Variants in DNER observed in about 807,000 individuals in gnomAD.
DNER encodes the protein delta and Notch-like epidermal growth factor-related receptor.
DNER carries 33 observed loss-of-function variants against 78.2 expected under a neutral mutation model. The observed-to-expected ratio is 0.42, with a 90% CI of 0.32 to 0.56. The LOEUF is 0.56. Ranked by LOEUF, DNER falls within the 20% of genes least tolerant of loss-of-function variation. The pLI is 0.11. For synonymous variants in DNER, 417 were observed against 384.8 expected (o/e 1.08, Z -0.98); for missense variants, 918 against 975.3 (o/e 0.94, Z 0.78).
chr2:229,636,818 T>C (rs116643840), intron 1 of DNER, among the ~76,000 whole-genome samples: 90 of 152,222 alleles, frequency 5.9e-4, no homozygotes, highest in African/African-American at 2.1e-3. Flanking sequence ...AGGTACCAGA[T>C]CCAGGCCTGG....
At chr2:229,658,109 C>T (rs538776312) in intron 1 of DNER, among the ~76,000 whole-genome samples, 4 of 152,180 alleles carry the variant, frequency 2.6e-5, no homozygotes, top group South Asian at 2.1e-4. Flanking sequence ...AGACCTCTAT[C>T]TTTATGATCA....
At position 229,392,275 on chromosome 2, in the gene DNER, GA is replaced by G. The variant is rs200048129; in HGVS notation, c.1724-3880del. Among the ~76,000 whole-genome samples, 590 of 128,304 alleles carry G rather than the reference GA, an allele frequency of 4.6e-3. 3 individuals carry two copies. The highest frequency in any genetic ancestry group is 0.017 in the South Asian group (64 of 3,878). The allele number at this position is 128,304 out of a possible 152,430, so 84.2% of individuals were successfully genotyped here. On this transcript the variant is annotated intron_variant, in intron 10 of 12. Transcript: ENST00000341772. Reference sequence around the variant, plus strand: ...AACTAGACAACTAGATGAAATATATGAAAAAAAAAAAAAACTATGAAGACAT... The same window carrying G: ...AACTAGACAACTAGATGAAATATATGAAAAAAAAAAAAACTATGAAGACAT...
At chr2:229,690,522 T>A (rs1699552946) in intron 1 of DNER, among the ~76,000 whole-genome samples, 1 of 152,184 alleles carries the variant, frequency 6.6e-6, no homozygotes, top group Non-Finnish European at 1.5e-5. Flanking sequence ...TGATAAAACG[T>A]TATTGTTGAA....
chr2:229,387,507 G>GAAAGAAAGAA, intron 11 of DNER, among the ~76,000 whole-genome samples: 2 of 96,442 alleles, frequency 2.1e-5, no homozygotes, highest in African/African-American at 7.4e-5. Context: ...AAGAAAGAAA[G>GAAAGAAAGAA]AGAGAAAGAA....
intron 10 of DNER, among the ~76,000 whole-genome samples, chr2:229,406,612 C>T (rs1316527217): frequency 6.6e-6 from 1 of 152,180 alleles, no homozygotes; most frequent in Non-Finnish European, 1.5e-5. Flanking sequence ...TCAGCACATA[C>T]ACGTACAAAC....
intron 5 of DNER, among the ~76,000 whole-genome samples, chr2:229,540,113 C>G (rs1696482661): frequency 1.3e-5 from 2 of 152,186 alleles, no homozygotes; most frequent in Non-Finnish European, 2.9e-5. Context: ...TACAGTACTT[C>G]AGAGGAGGGA....
intron 5 of DNER, among the ~76,000 whole-genome samples, chr2:229,535,214 G>A (rs1355543097): frequency 1.3e-5 from 2 of 152,154 alleles, no homozygotes; most frequent in Admixed American, 6.5e-5. Flanking sequence ...GCTCTTTGGG[G>A]TCCTCAATCA....
intron 7 of DNER, among the ~76,000 whole-genome samples, chr2:229,462,777 C>T (rs953246781): frequency 6.6e-6 from 1 of 152,068 alleles, no homozygotes; most frequent in Admixed American, 6.5e-5. Flanking sequence ...GGGCTCTAAG[C>T]GCAGCTCACC....
intron 1 of DNER, among the ~76,000 whole-genome samples, chr2:229,687,404 C>T (rs1012656365): frequency 2.0e-5 from 3 of 151,842 alleles, no homozygotes; most frequent in African/African-American, 7.3e-5. Flanking sequence ...GCTGGGACTA[C>T]AGGCGTCTAC....
chr2:229,533,673 T>C (rs1696349540), intron 5 of DNER, among the ~76,000 whole-genome samples: 1 of 152,158 alleles, frequency 6.6e-6, no homozygotes, highest in African/African-American at 2.4e-5. Context: ...CACCGTGACC[T>C]GAGGTCGTCC....
At chr2:229,424,117 C>T (rs1026028639) in intron 8 of DNER, among the ~76,000 whole-genome samples, 2 of 152,206 alleles carry the variant, frequency 1.3e-5, no homozygotes, top group Non-Finnish European at 2.9e-5. Context: ...CATGGTGCTC[C>T]AGGACCTTCC....
intron 1 of DNER, among the ~76,000 whole-genome samples, chr2:229,647,440 T>C (rs1014266676): frequency 5.3e-5 from 8 of 152,212 alleles, no homozygotes; most frequent in Non-Finnish European, 1.2e-4. Context: ...ATTCACATCA[T>C]TGCAGGTGGG....
At chr2:229,471,804 A>G (rs12623475) in intron 7 of DNER, among the ~76,000 whole-genome samples, 54,916 of 152,042 alleles carry the variant, frequency 0.36, 11,704 homozygotes, top group African/African-American at 0.6. Context: ...TCTACTTTAT[A>G]AATTAAAAAA....
At chr2:229,366,819 TC>T in intron 12 of DNER, 53 bp downstream of exon 12, 1 of 1,607,396 alleles carries the variant, frequency 6.2e-7, no homozygotes, top group South Asian at 1.1e-5. Context: ...ATGACCCTGT[TC>T]CCAAGAATGC....
chr2:229,418,155 C>T lies in DNER; in HGVS notation c.1562G>A (p.Arg521Lys), dbSNP rs1407314365. ...ACACTCATAGCCATTAACGAGGTCCCTGCAGGTGGCTGCATTCAGGCATGG... is the reference window on the plus strand; with the variant it reads ...ACACTCATAGCCATTAACGAGGTCCTTGCAGGTGGCTGCATTCAGGCATGG... ...SAPCLNAATC[R>K]DLVNGYECVC... The change falls in exon 9 of 13, where the codon AGG becomes AAG. Residue 521 changes from arginine (R) to lysine (K), a missense_variant. Transcript: ENST00000341772. The T allele has an allele frequency of 1.2e-6, 2 of 1,614,188 alleles. No individual in the cohort carries two copies. The highest frequency in any genetic ancestry group is 1.1e-5 in the South Asian group (1 of 91,086).
intron 6 of DNER, among the ~76,000 whole-genome samples, chr2:229,506,469 A>G (rs1195502839): frequency 1.3e-5 from 2 of 151,930 alleles, no homozygotes; most frequent in African/African-American, 2.4e-5. Context: ...TCTAAGTACA[A>G]TTATCAAAGT....
At chr2:229,607,934 A>T (rs1222428197) in intron 1 of DNER, among the ~76,000 whole-genome samples, 1 of 150,388 alleles carries the variant, frequency 6.6e-6, no homozygotes, top group Non-Finnish European at 1.5e-5. Context: ...AGGCACAAGA[A>T]TCGCTTGAAC....
chr2:229,604,039 A>T (rs958763788), intron 1 of DNER, among the ~76,000 whole-genome samples: 2 of 152,176 alleles, frequency 1.3e-5, no homozygotes, highest in Non-Finnish European at 2.9e-5. Flanking sequence ...GGCCAGCAGA[A>T]GCCAAAATCC....
At chr2:229,602,226 C>A (rs1256356895) in intron 1 of DNER, among the ~76,000 whole-genome samples, 2 of 152,118 alleles carry the variant, frequency 1.3e-5, no homozygotes, top group African/African-American at 4.8e-5. Flanking sequence ...ATTAAATTTC[C>A]TGTGAAGATT....
Sources: allele counts gnomAD v4.1 joint callset (sites outside exome capture counted in the v4.1 genomes callset), GRCh38; gene constraint gnomAD v4.1.1; transcripts MANE v1.5; gene names NCBI Gene and HGNC (gene_info 2026-07-23, HGNC 2026-07-21).